PCDHA7: variants seen among roughly 807,000 people sequenced by gnomAD.
PCDHA7 encodes protocadherin alpha 7.
In PCDHA7, 37 loss-of-function variants were observed where a neutral mutation model predicts 57.2. The ratio of observed to expected loss-of-function variants is 0.65; its 90% CI spans 0.50 to 0.85. The LOEUF is 0.85. Ranked by LOEUF, PCDHA7 falls within the 40% of genes least tolerant of loss-of-function variation. PCDHA7 has a pLI of 0.00. For synonymous variants in PCDHA7, 553 were observed against 558.8 expected, an observed-to-expected ratio of 0.99 and a Z score of 0.15; for missense variants, 1,188 against 1,241.8, an observed-to-expected ratio of 0.96 and a Z score of 0.65.
rs2150256971 is a variant in PCDHA7, at chr5:140,836,289, G to A, written c.1906G>A (p.Ala636Thr). 8.7e-6 allele frequency: 14 copies of A among 1,613,792 alleles called. No homozygotes were observed. The South Asian group carries it at 1.5e-4, about 18-fold the overall frequency. Reference sequence around the variant, plus strand: ...CACTGGTGAGATCAGCACGACACGAGCCCTAGATGAGACGGACGCACCGCG... The same window carrying A: ...CACTGGTGAGATCAGCACGACACGAACCCTAGATGAGACGGACGCACCGCG... ...LYTGEISTTR[A>T]LDETDAPRHR... Residue 636 changes from alanine (A) to threonine (T), a missense_variant, in exon 1 of 4, where the codon GCC becomes ACC. By Grantham distance (58) the Ala-to-Thr change is moderately conservative. Coordinates refer to ENST00000525929, the MANE Select transcript of PCDHA7 (RefSeq NM_018910.3).
chr5:140,863,352 G>T (rs568992628), intron 1 of PCDHA7: 16 of 1,288,838 alleles, frequency 1.2e-5, no homozygotes, highest in Non-Finnish European at 1.6e-5. Context: ...TGTACACGAC[G>T]CTGCGGTGCT....
At chr5:140,980,897 A>G (rs2096910436) in intron 2 of PCDHA7, among the ~76,000 whole-genome samples, 1 of 152,186 alleles carries the variant, frequency 6.6e-6, no homozygotes, top group African/African-American at 2.4e-5. Context: ...AGTCTTGGAC[A>G]TCATGTAACT....
At chr5:140,845,489 T>C (rs1779894647) in intron 1 of PCDHA7, among the ~76,000 whole-genome samples, 1 of 149,700 alleles carries the variant, frequency 6.7e-6, no homozygotes, top group Non-Finnish European at 1.5e-5. Context: ...GCTTTCACAG[T>C]GAGAAAGTCT....
chr5:140,888,597 C>A (rs1474772423), intron 1 of PCDHA7, among the ~76,000 whole-genome samples: 3 of 152,216 alleles, frequency 2.0e-5, no homozygotes, highest in African/African-American at 7.2e-5. Flanking sequence ...ACATTCAGAG[C>A]AGCTTTTAGT....
intron 1 of PCDHA7, chr5:140,929,073 T>C (rs782591499): frequency 1.9e-6 from 3 of 1,614,200 alleles, no homozygotes; most frequent in Non-Finnish European, 2.5e-6. Flanking sequence ...ATCTGAGGTA[T>C]GGAAGTAAGA....
In PCDHA7 at chr5:140,834,575, C is replaced by G. The variant is rs2150221484; in HGVS notation, c.192C>G (p.Phe64Leu). ...TGGCGGAGCTGGTGCCGCGCCTGTT[C>G]CGGGCGGTGTGCAAATTCCGTGGGG... ...LELAELVPRL[F>L]RAVCKFRGDL... Residue 64 changes from phenylalanine to leucine, a missense_variant, in exon 1 of 4, where the codon TTC becomes TTG. Phe to Leu is a conservative substitution (Grantham distance 22). Around this residue, in one of 3 missense-constraint regions of PCDHA7, gnomAD observed 194 missense variants for 185.8 expected, o/e 1.04. Transcript: ENST00000525929. 6.2e-7 allele frequency: 1 copy of G among 1,614,096 alleles called. No individual in the cohort carries two copies. Among genetic ancestry groups the G allele is most frequent in the South Asian group, 1.1e-5 (1 of 91,074 alleles).
At chr5:140,856,471 A>G (rs782438318) in intron 1 of PCDHA7, 6 of 1,597,856 alleles carry the variant, frequency 3.8e-6, no homozygotes, top group South Asian at 2.2e-5. Flanking sequence ...AGCTCTCAAT[A>G]CCTGAATCCA....
At chr5:140,888,706 T>G (rs1554183604) in intron 1 of PCDHA7, among the ~76,000 whole-genome samples, 1 of 152,196 alleles carries the variant, frequency 6.6e-6, no homozygotes, top group African/African-American at 2.4e-5. Context: ...TTGGTAGGAA[T>G]GTGAAATATT....
At chr5:140,937,945 G>T (rs1464890227) in intron 1 of PCDHA7, among the ~76,000 whole-genome samples, 1 of 151,840 alleles carries the variant, frequency 6.6e-6, no homozygotes, top group Non-Finnish European at 1.5e-5. Context: ...TTGATAATTG[G>T]CTTTTGTTGA....
At position 140,918,978 on chromosome 5, in the gene PCDHA7, G is replaced by C. The variant is rs1363137172; in HGVS notation, c.2356-59971G>C. On this transcript the variant is annotated intron_variant, in intron 1 of 3. Transcript: ENST00000525929. Reference sequence around the variant, plus strand: ...ACTAAGACAGATATCGTTTAGGTTAGTTGGTTTTTAGTGTTGTTCACATCT... The same window carrying C: ...ACTAAGACAGATATCGTTTAGGTTACTTGGTTTTTAGTGTTGTTCACATCT... Among the ~76,000 whole-genome samples, 5 of 152,204 alleles carry C rather than the reference G, an allele frequency of 3.3e-5. No homozygotes were observed. In the South Asian group the frequency reaches 8.3e-4, roughly 25 times the overall value.
intron 1 of PCDHA7, among the ~76,000 whole-genome samples, chr5:140,954,491 T>C (rs1554221443): frequency 6.6e-6 from 1 of 152,264 alleles, no homozygotes; most frequent in Non-Finnish European, 1.5e-5. Flanking sequence ...TATTTCATTG[T>C]GGTTTTGATT....
intron 1 of PCDHA7, among the ~76,000 whole-genome samples, chr5:140,925,132 T>G (rs2082347636): frequency 6.6e-6 from 1 of 151,168 alleles, no homozygotes; most frequent in Non-Finnish European, 1.5e-5. Context: ...GAAAAAAAAT[T>G]TCAAACATAC....
chr5:140,901,917 T>C (rs776284320), intron 1 of PCDHA7, among the ~76,000 whole-genome samples: 15 of 152,090 alleles, frequency 9.9e-5, no homozygotes, highest in Admixed American at 4.6e-4. Context: ...ATCTTTCACT[T>C]CTTTGGTTAA....
chr5:140,835,892 G>T lies in PCDHA7; in HGVS notation c.1509G>T (p.Ala503=), dbSNP rs1774026937. The change falls in exon 1 of 4, where the codon GCG becomes GCT. Residue 503 remains alanine (A), a synonymous_variant. Transcript: ENST00000525929. ...TGGAGCTGCGGGTGGGCGAGCGCGC[G>T]CTGTCGAGCTACGTGTCAGTGCACG... ...SLVELRVGER[A]LSSYVSVHAE... The T allele has an allele frequency of 6.2e-7, 1 of 1,612,006 alleles. No homozygotes were observed. The highest frequency in any genetic ancestry group is 8.5e-7 in the Non-Finnish European group (1 of 1,179,640).
chr5:140,848,314 G>T, intron 1 of PCDHA7: 1 of 733,978 alleles, frequency 1.4e-6, no homozygotes, highest in Non-Finnish European at 2.3e-6. Context: ...ACTCTTTGCC[G>T]CGATGTTCTC....
chr5:141,006,750 G>A (rs1233243147), intron 3 of PCDHA7, among the ~76,000 whole-genome samples: 1 of 152,122 alleles, frequency 6.6e-6, no homozygotes, highest in African/African-American at 2.4e-5. Flanking sequence ...TATTATAAAT[G>A]GAGAATGAAG....
chr5:140,983,275 A>C (rs1279699182), intron 3 of PCDHA7, among the ~76,000 whole-genome samples: 1 of 152,230 alleles, frequency 6.6e-6, no homozygotes, highest in Non-Finnish European at 1.5e-5. Flanking sequence ...TGGCTGGGTG[A>C]GTATAGGAAA....
At chr5:140,851,386 G>A (rs1374142206) in intron 1 of PCDHA7, 1 of 975,080 alleles carries the variant, frequency 1.0e-6, no homozygotes, top group African/African-American at 1.8e-5. Flanking sequence ...GCAACCTTCA[G>A]TATCTATTAT....
chr5:140,835,810 C>T lies in PCDHA7; in HGVS notation c.1427C>T (p.Thr476Ile), dbSNP rs2150245361. 3 of 1,612,990 alleles carry T rather than the reference C, an allele frequency of 1.9e-6. No individual in the cohort carries two copies. Among genetic ancestry groups the T allele is most frequent in the Non-Finnish European group, 2.5e-6 (3 of 1,179,736 alleles). Reference protein sequence around the residue: ...ENNPPGCHIFTVSAGDADAQK... With the variant: ...ENNPPGCHIFIVSAGDADAQK... ...AACCCGCCGGGCTGCCACATCTTCA[C>T]TGTGTCGGCGGGGGACGCGGACGCG... The change falls in exon 1 of 4, where the codon ACT becomes ATT. Residue 476 changes from threonine to isoleucine, a missense_variant. This residue lies in a region of PCDHA7 where 892 missense variants were observed against 788.5 expected (regional missense o/e 1.13). Coordinates refer to ENST00000525929, the MANE Select transcript of PCDHA7 (RefSeq NM_018910.3).
Sources: gnomAD v4.1 joint callset for allele counts (sites outside exome capture counted in the v4.1 genomes callset) on GRCh38, gnomAD v4.1.1 for gene constraint, gnomAD v4.1.1 regional missense constraint, MANE v1.5 for transcripts, NCBI Gene and HGNC (gene_info 2026-07-23, HGNC 2026-07-21) for gene names.